CDH2: variants seen among roughly 807,000 people sequenced by gnomAD.
CDH2 encodes cadherin-2.
CDH2 carries 17 observed loss-of-function variants against 92.0 expected under a neutral mutation model. The observed-to-expected ratio is 0.18, with a 90% CI of 0.13 to 0.28. The LOEUF is 0.28. Ranked by LOEUF, CDH2 falls within the 10% of genes least tolerant of loss-of-function variation. The pLI is 1.00. For synonymous variants in CDH2, 419 were observed against 415.9 expected (o/e 1.01, Z -0.09); for missense variants, 862 against 1,133.1 (o/e 0.76, Z 3.44).
chr18:27,956,998 C>T (rs765282660), intron 15 of CDH2, among the ~76,000 whole-genome samples: 10 of 152,140 alleles, frequency 6.6e-5, no homozygotes, highest in Admixed American at 2.0e-4. Flanking sequence ...CCAGCAACCA[C>T]GACTGAATTA....
intron 2 of CDH2, among the ~76,000 whole-genome samples, chr18:28,101,510 TG>T (rs1329761210): frequency 6.6e-6 from 1 of 152,154 alleles, no homozygotes; most frequent in African/African-American, 2.4e-5. Flanking sequence ...AAAAGCCACC[TG>T]GGGACTTGAC....
At chr18:27,950,762 C>T (rs1375512006), downstream of CDH2, among the ~76,000 whole-genome samples, 1 of 152,174 alleles carries the variant, frequency 6.6e-6, no homozygotes, top group Non-Finnish European at 1.5e-5. Flanking sequence ...ATTCCTGAAT[C>T]ACTTGATGTT....
intron 2 of CDH2, among the ~76,000 whole-genome samples, chr18:28,122,951 C>T (rs2015616467): frequency 6.6e-6 from 1 of 151,980 alleles, no homozygotes. Context: ...TAGTAAAAAA[C>T]AATCTCGAGA....
intron 2 of CDH2, among the ~76,000 whole-genome samples, chr18:28,034,943 G>C (rs1218189641): frequency 6.6e-6 from 1 of 151,934 alleles, no homozygotes; most frequent in African/African-American, 2.4e-5. Flanking sequence ...CTTTAAAATA[G>C]TTTTTTGGAA....
At chr18:28,094,905 C>A (rs1479488364) in intron 2 of CDH2, among the ~76,000 whole-genome samples, 2 of 151,850 alleles carry the variant, frequency 1.3e-5, no homozygotes, top group African/African-American at 4.8e-5. Flanking sequence ...ATGGGCCAGG[C>A]CAATTTAACT....
intron 2 of CDH2, among the ~76,000 whole-genome samples, chr18:28,082,242 TA>T (rs67006006): frequency 2.7e-5 from 4 of 148,108 alleles, no homozygotes; most frequent in Non-Finnish European, 4.5e-5. Context: ...CTCTTGTCTC[TA>T]AAAAAAAAAA....
intron 2 of CDH2, among the ~76,000 whole-genome samples, chr18:28,023,964 T>G (rs1267525009): frequency 2.0e-5 from 3 of 152,122 alleles, no homozygotes; most frequent in Non-Finnish European, 4.4e-5. Flanking sequence ...AAATTCCATA[T>G]AACAGGGAAG....
At chr18:27,955,390 AAGAAAGAAAAAG>A (rs1478169009) in intron 15 of CDH2, among the ~76,000 whole-genome samples, 1 of 23,768 alleles carries the variant, frequency 4.2e-5, no homozygotes, top group African/African-American at 7.6e-5. Context: ...AAAAAAGAAA[AAGAAAGAAAAAG>A]AGAATGACAA....
At chr18:28,074,688 G>GA (rs1217594089) in intron 2 of CDH2, among the ~76,000 whole-genome samples, 16 of 117,336 alleles carry the variant, frequency 1.4e-4, no homozygotes, top group African/African-American at 4.9e-4. Context: ...ACTAAAGGAG[G>GA]CCCTTTTTTT....
intron 2 of CDH2, among the ~76,000 whole-genome samples, chr18:28,091,868 C>T (rs1470986735): frequency 6.6e-6 from 1 of 152,012 alleles, no homozygotes; most frequent in African/African-American, 2.4e-5. Flanking sequence ...GACTGCCTGG[C>T]TTAAACAATA....
At chr18:27,942,372 G>A (rs1909159792) in intron 6 of CDH2, among the ~76,000 whole-genome samples, 1 of 152,186 alleles carries the variant, frequency 6.6e-6, no homozygotes, top group Non-Finnish European at 1.5e-5. Context: ...GATAACAATA[G>A]CTAACTTGTA....
chr18:28,148,859 A>G (rs1184876675), intron 1 of CDH2, among the ~76,000 whole-genome samples: 1 of 152,224 alleles, frequency 6.6e-6, no homozygotes, highest in Non-Finnish European at 1.5e-5. Flanking sequence ...TTTTGCAAAT[A>G]CTAATGTTGC....
chr18:27,994,921 T>C (rs2012532461), intron 7 of CDH2, among the ~76,000 whole-genome samples: 1 of 152,194 alleles, frequency 6.6e-6, no homozygotes, highest in Non-Finnish European at 1.5e-5. Context: ...GAGAAAATGT[T>C]ACACTATTTT....
chr18:28,002,135 C>T (rs596688), intron 7 of CDH2, among the ~76,000 whole-genome samples: 2,681 of 152,164 alleles, frequency 0.018, 106 homozygotes, highest in African/African-American at 0.062. Context: ...AAAGTTTCAC[C>T]AGGAGTGGGG....
intron 4 of CDH2, among the ~76,000 whole-genome samples, chr18:28,011,513 C>T (rs2013098434): frequency 6.6e-6 from 1 of 152,114 alleles, no homozygotes; most frequent in Non-Finnish European, 1.5e-5. Context: ...AGCTTTCAGA[C>T]AGGGAAGTTT....
At chr18:28,056,090 A>G (rs2014287886) in intron 2 of CDH2, among the ~76,000 whole-genome samples, 2 of 151,668 alleles carry the variant, frequency 1.3e-5, no homozygotes, top group Non-Finnish European at 2.9e-5. Context: ...TTTTTTTTTA[A>G]GAGAAAAAGA....
At chr18:28,016,408 C>T (rs2013247177) in intron 2 of CDH2, among the ~76,000 whole-genome samples, 1 of 152,166 alleles carries the variant, frequency 6.6e-6, no homozygotes, top group Non-Finnish European at 1.5e-5. Flanking sequence ...GAAGTACACA[C>T]AGCCTACTAT....
chr18:27,958,465 TTATA>T (rs899446066), intron 15 of CDH2, among the ~76,000 whole-genome samples: 7 of 150,694 alleles, frequency 4.6e-5, no homozygotes, highest in Admixed American at 6.6e-5. Context: ...AAAAATCTCT[TTATA>T]TATGTATGTT....
chr18:28,016,492 T>C (rs1178581268), intron 2 of CDH2, among the ~76,000 whole-genome samples: 1 of 152,080 alleles, frequency 6.6e-6, no homozygotes, highest in Non-Finnish European at 1.5e-5. Flanking sequence ...TTTTATTAGG[T>C]TGTTGGTAGT....
Sources: allele counts gnomAD v4.1 joint callset (sites outside exome capture counted in the v4.1 genomes callset), GRCh38; gene constraint gnomAD v4.1.1; transcripts MANE v1.5; gene names NCBI Gene and HGNC (gene_info 2026-07-23, HGNC 2026-07-21).